The following CTCF variants were observed in gnomAD, a reference collection of about 807,000 sequenced individuals.
CTCF encodes transcriptional repressor CTCF.
In CTCF, 7 loss-of-function variants were observed where a neutral mutation model predicts 72.3. The ratio of observed to expected loss-of-function variants is 0.10; its 90% CI spans 0.06 to 0.18. The LOEUF (loss-of-function observed/expected upper bound fraction) is 0.18. CTCF is among the 10% of genes least tolerant of loss of function. The pLI, the probability that CTCF is intolerant of heterozygous loss-of-function variation, is 1.00. For missense variants in CTCF, 516 were observed against 949.1 expected (o/e 0.54, Z 6.00); for synonymous variants, 374 against 315.8 (o/e 1.18, Z -1.95).
At position 67,634,092 on chromosome 16, in the gene CTCF, A is replaced by G. The variant is rs565654086; in HGVS notation, c.1838-2598A>G. The stretch of plus-strand genomic sequence containing the variant: ...GTTTATTATATTAATCCTGATAGCA[A>G]AAATTCCAGCAAAAGCATTTTTATT... On this transcript the variant is annotated intron_variant, in intron 10 of 11. Transcript: ENST00000264010. Among the ~76,000 whole-genome samples the G allele has an allele frequency of 6.6e-5, 10 of 152,350 alleles. No individual in the cohort carries two copies. In the South Asian group the frequency reaches 2.1e-3, roughly 32 times the overall value.
chr16:67,593,825 C>T (rs2051777371), intron 2 of CTCF, among the ~76,000 whole-genome samples: 3 of 152,164 alleles, frequency 2.0e-5, no homozygotes, highest in African/African-American at 7.2e-5. Flanking sequence ...GGAAATCATT[C>T]TCTTCTACTG....
At chr16:67,625,486 C>T (rs113990762) in intron 7 of CTCF, among the ~76,000 whole-genome samples, 88 of 152,360 alleles carry the variant, frequency 5.8e-4, no homozygotes, top group African/African-American at 1.3e-3. Flanking sequence ...AGGCGTGAGC[C>T]ACTGTGCCTG....
At chr16:67,580,124 A>G (rs1369694595) in intron 2 of CTCF, among the ~76,000 whole-genome samples, 2 of 152,330 alleles carry the variant, frequency 1.3e-5, no homozygotes, top group African/African-American at 2.4e-5. Context: ...AGGCCATTGC[A>G]TTGGTCCATG....
chr16:67,629,292 A>T (rs1266550433), intron 9 of CTCF, 106 bp from the exon 10 acceptor site: 33 of 1,055,270 alleles, frequency 3.1e-5, no homozygotes, highest in Non-Finnish European at 4.2e-5. Flanking sequence ...CACTTAGCAG[A>T]TACTAGAATT....
chr16:67,595,122 A>G (rs2051794437), intron 2 of CTCF, among the ~76,000 whole-genome samples: 1 of 152,162 alleles, frequency 6.6e-6, no homozygotes, highest in Non-Finnish European at 1.5e-5. Flanking sequence ...GGAATTTTTG[A>G]GCCTCATTTC....
intron 2 of CTCF, among the ~76,000 whole-genome samples, chr16:67,604,925 G>A (rs1249611174): frequency 6.8e-6 from 1 of 146,238 alleles, no homozygotes; most frequent in African/African-American, 2.6e-5. Flanking sequence ...TTATAGTTAG[G>A]ATTATGCTTA....
At chr16:67,631,166 T>G (rs572703703) in intron 10 of CTCF, among the ~76,000 whole-genome samples, 90 of 122,424 alleles carry the variant, frequency 7.4e-4, no homozygotes, top group Non-Finnish European at 8.7e-4. Context: ...TTTTTTTTTG[T>G]TTTTTGTTTT....
intron 2 of CTCF, among the ~76,000 whole-genome samples, chr16:67,584,745 A>C (rs1018722486): frequency 2.6e-5 from 4 of 152,218 alleles, no homozygotes; most frequent in Non-Finnish European, 5.9e-5. Context: ...AGAAAATTTA[A>C]GTCATCTGTC....
chr16:67,576,140 TAAAAAAAAAAA>T (rs561098313), intron 2 of CTCF, among the ~76,000 whole-genome samples: 16 of 91,918 alleles, frequency 1.7e-4, no homozygotes, highest in African/African-American at 6.1e-4. Flanking sequence ...GACCCTGTCT[TAAAAAAAAAAA>T]AAAAAAAAAA....
At chr16:67,599,339 G>C (rs557838038) in intron 2 of CTCF, among the ~76,000 whole-genome samples, 12 of 152,318 alleles carry the variant, frequency 7.9e-5, no homozygotes, top group Admixed American at 7.2e-4. Flanking sequence ...AGGTTGCAGT[G>C]AGCCGAGGTC....
intron 2 of CTCF, among the ~76,000 whole-genome samples, chr16:67,574,754 G>A (rs1351280250): frequency 6.7e-6 from 1 of 148,678 alleles, no homozygotes; most frequent in African/African-American, 2.5e-5. Flanking sequence ...CGCATCCCAG[G>A]TTCACACCAT....
intron 2 of CTCF, among the ~76,000 whole-genome samples, chr16:67,604,729 G>GGTTTTTTTTTTTT (rs2051946464): frequency 7.8e-6 from 1 of 127,868 alleles, no homozygotes; most frequent in African/African-American, 4.0e-5. Flanking sequence ...ATTTCACCAG[G>GGTTTTTTTTTTTT]GTTTTTTTTT....
At chr16:67,608,684 A>G (rs1249103367) in intron 2 of CTCF, among the ~76,000 whole-genome samples, 1 of 152,120 alleles carries the variant, frequency 6.6e-6, no homozygotes, top group Non-Finnish European at 1.5e-5. Context: ...TCTCATGATA[A>G]ATATTATCAC....
At chr16:67,609,890 T>C (rs1426115286) in intron 2 of CTCF, among the ~76,000 whole-genome samples, 2 of 152,128 alleles carry the variant, frequency 1.3e-5, no homozygotes, top group Admixed American at 1.3e-4. Flanking sequence ...CCTCCCAAAG[T>C]GCTGGGATTA....
intron 7 of CTCF, among the ~76,000 whole-genome samples, chr16:67,624,107 G>GTGTGTGTGTA (rs1255050314): frequency 1.0e-4 from 14 of 138,700 alleles, no homozygotes; most frequent in Non-Finnish European, 1.7e-4. Context: ...GTGTGTGTGT[G>GTGTGTGTGTA]TGTGTGTGTA....
At chr16:67,588,041 A>G (rs1467584494) in intron 2 of CTCF, among the ~76,000 whole-genome samples, 3 of 152,008 alleles carry the variant, frequency 2.0e-5, no homozygotes, top group Admixed American at 6.6e-5. Flanking sequence ...CATTTTCAGT[A>G]GAGACGGGGT....
At chr16:67,601,800 TC>T (rs1031349658) in intron 2 of CTCF, among the ~76,000 whole-genome samples, 7 of 152,194 alleles carry the variant, frequency 4.6e-5, no homozygotes, top group Admixed American at 3.9e-4. Flanking sequence ...TTGTACCACT[TC>T]TTTTTCTACC....
chr16:67,599,092 T>G (rs1370316546), intron 2 of CTCF, among the ~76,000 whole-genome samples: 1 of 152,158 alleles, frequency 6.6e-6, no homozygotes, highest in East Asian at 1.9e-4. Context: ...GTGGCTGAAG[T>G]GGCCGGGTGC....
intron 7 of CTCF, 62 bp downstream of exon 7, chr16:67,621,653 T>C (rs945390095): frequency 6.3e-6 from 8 of 1,276,238 alleles, no homozygotes; most frequent in Admixed American, 5.6e-5. Context: ...TTTCGAAATA[T>C]GGGGATCAAA....
Sources: gnomAD v4.1 joint callset for allele counts (sites outside exome capture counted in the v4.1 genomes callset) on GRCh38, gnomAD v4.1.1 for gene constraint, MANE v1.5 for transcripts, NCBI Gene and HGNC (gene_info 2026-07-23, HGNC 2026-07-21) for gene names.